The following VPS9D1 variants were observed in gnomAD, a reference collection of about 807,000 sequenced individuals.
VPS9D1 encodes the protein VPS9 domain-containing protein 1.
Under a neutral mutation model 75.8 loss-of-function variants are expected in VPS9D1, and 78 were observed. The ratio of observed to expected loss-of-function variants is 1.03; its 90% CI spans 0.86 to 1.24. The LOEUF (loss-of-function observed/expected upper bound fraction) is 1.24. VPS9D1 is among the 50% of genes most tolerant of loss of function. VPS9D1 has a pLI of 0.00. For synonymous variants in VPS9D1, 481 were observed against 385.6 expected, an observed-to-expected ratio of 1.25 and a Z score of -2.90; for missense variants, 1,057 against 847.7, an observed-to-expected ratio of 1.25 and a Z score of -3.07.
chr16:89,720,888 G>A lies in VPS9D1; in HGVS notation c.-27C>T. On this transcript the variant is annotated 5_prime_UTR_variant, in exon 1 of 15. Transcript: ENST00000389386. ...GCGCCGAGCGGGGGAGGCGGCGGCGGTAGCCGAGGGGCTGGACGGGCGACC... is the reference window on the plus strand; with the variant it reads ...GCGCCGAGCGGGGGAGGCGGCGGCGATAGCCGAGGGGCTGGACGGGCGACC... 2 of 1,333,468 alleles carry A rather than the reference G, an allele frequency of 1.5e-6. No homozygotes were observed. The highest frequency in any genetic ancestry group is 1.9e-6 in the Non-Finnish European group (2 of 1,040,664). The allele number at this position is 1,333,468 out of a possible 1,614,324, so 82.6% of individuals were successfully genotyped here.
intron 1 of VPS9D1, 89 bp from the exon 2 acceptor site, chr16:89,719,191 A>G (rs2061171525): frequency 8.3e-7 from 1 of 1,200,172 alleles, no homozygotes; most frequent in Admixed American, 1.7e-5. Flanking sequence ...GGGATAAGCA[A>G]GGAACACCAC....
At chr16:89,709,472 G>T (rs1415496956) in intron 11 of VPS9D1, 37 bp from the exon 12 acceptor site, 2 of 1,490,214 alleles carry the variant, frequency 1.3e-6, no homozygotes, top group Non-Finnish European at 1.8e-6. Context: ...CTGCCCCAGG[G>T]ACCTTGCCCT....
Position 89,714,347 on chromosome 16 carries a change from C to T in VPS9D1, c.432-1631G>A, listed in dbSNP as rs372286631. On this transcript the variant is annotated intron_variant, in intron 4 of 14. Coordinates refer to ENST00000389386, the MANE Select transcript of VPS9D1 (RefSeq NM_004913.3). The stretch of plus-strand genomic sequence containing the variant: ...CCCAGGGAAGGCAAAAGATTGGACA[C>T]CCCTGCTTTAAAGGCACTATGTGGG... Among the ~76,000 whole-genome samples, 10 of 152,256 alleles carry T rather than the reference C, an allele frequency of 6.6e-5. No individual in the cohort carries two copies. In the East Asian group the frequency reaches 7.7e-4, roughly 12 times the overall value.
chr16:89,711,276 G>C (rs1411036034), intron 9 of VPS9D1, 51 bp downstream of exon 9: 1 of 1,549,694 alleles, frequency 6.5e-7, no homozygotes. Flanking sequence ...CCAGGCAGAG[G>C]TGCCCAAGGC....
chr16:89,710,079 G>A (rs1049330566), intron 10 of VPS9D1, among the ~76,000 whole-genome samples, 173 bp from the exon 11 acceptor site: 4 of 152,316 alleles, frequency 2.6e-5, no homozygotes, highest in South Asian at 4.1e-4. Flanking sequence ...GACTGGAAAC[G>A]GTCACCTACA....
At chr16:89,709,642 C>T in intron 11 of VPS9D1, 135 bp downstream of exon 11, 4 of 1,447,890 alleles carry the variant, frequency 2.8e-6, no homozygotes, top group South Asian at 1.3e-5. Flanking sequence ...CAGGGTAAAG[C>T]ACAGGCTAGG....
Position 89,708,623 on chromosome 16 carries a change from C to G in VPS9D1, c.1698-92G>C. The stretch of plus-strand genomic sequence containing the variant: ...GTGGAGCCATCCTGGCCGTGCTGGC[C>G]GCCATCTCTGTGCCCTTCTGCGCAG... On this transcript the variant is annotated intron_variant, in intron 13 of 14. Coordinates refer to ENST00000389386, the MANE Select transcript of VPS9D1 (RefSeq NM_004913.3). 14 of 1,375,774 alleles carry G rather than the reference C, an allele frequency of 1.0e-5. 1 individual carries two copies. The South Asian group carries it at 1.7e-4, about 17-fold the overall frequency. The allele number at this position is 1,375,774 out of a possible 1,614,324, so 85.2% of individuals were successfully genotyped here. A position where few individuals can be genotyped will look rare whatever the true frequency, so the allele number is the denominator to read the frequency against.
intron 2 of VPS9D1, chr16:89,717,360 C>T (rs919532811): frequency 1.4e-5 from 5 of 353,414 alleles, no homozygotes; most frequent in South Asian, 6.2e-5. Context: ...GGGAAGTGGC[C>T]GTTTTACAGA....
intron 12 of VPS9D1, 68 bp from the exon 13 acceptor site, chr16:89,709,024 C>CGGGGGGGG: frequency 7.1e-7 from 1 of 1,416,794 alleles, no homozygotes; most frequent in Non-Finnish European, 9.5e-7. Context: ...CCTTATACCC[C>CGGGGGGGG]GCCCACCCAC....
rs770298464 is a variant in VPS9D1, at chr16:89,720,745, GC to G, written c.99+17del. 4.9e-6 allele frequency: 7 copies of G among 1,431,424 alleles called. No individual in the cohort carries two copies. Among genetic ancestry groups the G allele is most frequent in the Non-Finnish European group, 4.6e-6 (5 of 1,089,504 alleles). The allele number at this position is 1,431,424 out of a possible 1,614,324, so 88.7% of individuals were successfully genotyped here. ...GGGCCACCCTCAGCGGCCAAGCCCC[GC>G]CCCCGCCCCGCCTCACCCGGGGCCG... is the stretch of plus-strand genomic sequence containing the variant. On this transcript the variant is annotated intron_variant, in intron 1 of 14. Transcript: ENST00000389386.
chr16:89,718,479 G>C (rs557984736), intron 2 of VPS9D1, among the ~76,000 whole-genome samples: 267 of 152,202 alleles, frequency 1.8e-3, no homozygotes, highest in Admixed American at 5.6e-3. Context: ...CGTCTGTGCC[G>C]CTCACTGGAG....
chr16:89,708,613 C>A, intron 13 of VPS9D1, 82 bp from the exon 14 acceptor site: 1 of 1,413,874 alleles, frequency 7.1e-7, no homozygotes, highest in South Asian at 1.3e-5. Context: ...GCCATCCTGG[C>A]CGTGCTGGCC....
chr16:89,710,518 G>A (rs1567542620), intron 10 of VPS9D1, 68 bp downstream of exon 10: 1 of 1,498,228 alleles, frequency 6.7e-7, no homozygotes, highest in Non-Finnish European at 9.0e-7. Flanking sequence ...CCAAACAGAA[G>A]CTTGAAACGG....
chr16:89,713,035 A>T (rs1293322559), intron 4 of VPS9D1: 4 of 189,762 alleles, frequency 2.1e-5, no homozygotes, highest in African/African-American at 9.5e-5. Flanking sequence ...AAATACAAAA[A>T]TTAGCTGGGC....
rs763627141 is a variant in VPS9D1 at position 89,712,515 on chromosome 16, G to T, written c.551C>A (p.Ser184Tyr). The part of the protein sequence containing the change: ...QAMQKTSLTL[S>Y]LQRQMMENLV... ...GTTCTCCATCATCTGCCGCTGTAGA[G>T]AGAGGGTCTGGGGGGGGAGGAGGGA... Residue 184 changes from serine to tyrosine, a missense_variant, in exon 6 of 15, where the codon TCT becomes TAT. Physicochemically the swap from Ser to Tyr is moderately radical, Grantham distance 144. Transcript: ENST00000389386. The T allele has an allele frequency of 6.2e-7, 1 of 1,612,488 alleles. No homozygotes were observed. Among genetic ancestry groups the T allele is most frequent in the East Asian group, 2.2e-5 (1 of 44,874 alleles).
At chr16:89,709,026 C>CCCG in intron 12 of VPS9D1, 70 bp from the exon 13 acceptor site, 2 of 1,159,042 alleles carry the variant, frequency 1.7e-6, no homozygotes, top group Non-Finnish European at 2.3e-6. Context: ...TTATACCCCG[C>CCCG]CCACCCACCC....
At chr16:89,713,572 G>C (rs1320469352) in intron 4 of VPS9D1, among the ~76,000 whole-genome samples, 1 of 152,136 alleles carries the variant, frequency 6.6e-6, no homozygotes, top group East Asian at 2.0e-4. Flanking sequence ...GGTTTTTCAA[G>C]AGAAGCTGGA....
Position 89,710,893 on chromosome 16 carries a change from G to T in VPS9D1, c.951C>A (p.Thr317=). The T allele has an allele frequency of 1.0e-5, 15 of 1,499,680 alleles. No homozygotes were observed. Among genetic ancestry groups the T allele is most frequent in the Non-Finnish European group, 1.3e-5 (15 of 1,128,698 alleles). The allele number at this position is 1,499,680 out of a possible 1,614,324, so 92.9% of individuals were successfully genotyped here. ...GCAGCCGTCGGCTTCCGGGGTTGGG[G>T]GTCGGGGGGCAGCAGCCTGGGGCTG... is the stretch of plus-strand genomic sequence containing the variant. ...AAPAPGCCPP[T]PNPGSRRLRP... The change falls in exon 10 of 15, where the codon ACC becomes ACA. Residue 317 remains threonine (T), a synonymous_variant. Transcript: ENST00000389386.
chr16:89,717,542 C>T (rs1218460343), intron 2 of VPS9D1: 9 of 456,320 alleles, frequency 2.0e-5, no homozygotes, highest in African/African-American at 6.0e-5. Context: ...CTGGACCCAC[C>T]GCCCCAGCGC....
Sources: gnomAD v4.1 joint callset for allele counts (sites outside exome capture counted in the v4.1 genomes callset) on GRCh38, gnomAD v4.1.1 for gene constraint, MANE v1.5 for transcripts, NCBI Gene and HGNC (gene_info 2026-07-23, HGNC 2026-07-21) for gene names.